The following SLC35F4 variants were observed in gnomAD, a reference collection of about 807,000 sequenced individuals.
The protein encoded by SLC35F4 is chromosome 14 open reading frame 36.
Under a neutral mutation model 44.2 loss-of-function variants are expected in SLC35F4, and 24 were observed. The ratio of observed to expected loss-of-function variants is 0.54; its 90% CI spans 0.39 to 0.76. The LOEUF is 0.76. Ranked by LOEUF, SLC35F4 falls within the 30% of genes least tolerant of loss-of-function variation. The probability of loss-of-function intolerance (pLI) is 0.00; values close to 1 mark genes in which losing one functional copy is unlikely to be tolerated. For missense variants in SLC35F4, 562 were observed against 586.1 expected (o/e 0.96, Z 0.42); for synonymous variants, 238 against 223.6 (o/e 1.06, Z -0.57).
chr14:57,686,546 T>C (rs894809511), intron 1 of SLC35F4, among the ~76,000 whole-genome samples: 1 of 152,092 alleles, frequency 6.6e-6, no homozygotes, highest in African/African-American at 2.4e-5. Flanking sequence ...CATGAGAGCC[T>C]TTTTTTCTGA....
At chr14:57,671,554 C>A (rs928328066) in intron 1 of SLC35F4, among the ~76,000 whole-genome samples, 2 of 151,916 alleles carry the variant, frequency 1.3e-5, no homozygotes, top group African/African-American at 4.8e-5. Flanking sequence ...ACTGAAGAGC[C>A]CTTGGGCCCC....
At chr14:57,863,706 T>A (rs1212998681) in intron 1 of SLC35F4, among the ~76,000 whole-genome samples, 2 of 152,220 alleles carry the variant, frequency 1.3e-5, no homozygotes, top group African/African-American at 4.8e-5. Flanking sequence ...TCCAGCTTTC[T>A]CCTCTCTCAA....
chr14:57,976,546 C>T (rs1881224318), downstream of SLC35F4, among the ~76,000 whole-genome samples: 1 of 152,184 alleles, frequency 6.6e-6, no homozygotes, highest in Non-Finnish European at 1.5e-5. Flanking sequence ...AACTTAGAGA[C>T]ATCATTGAAG....
intron 1 of SLC35F4, chr14:57,630,008 T>C (rs893522804): frequency 1.9e-6 from 1 of 532,302 alleles, no homozygotes; most frequent in Non-Finnish European, 3.8e-6. Flanking sequence ...TATGGTCCTA[T>C]AGTTGATGTG....
chr14:57,608,504 A>G (rs1252024122), intron 1 of SLC35F4, among the ~76,000 whole-genome samples: 1 of 152,196 alleles, frequency 6.6e-6, no homozygotes, highest in Non-Finnish European at 1.5e-5. Context: ...GTGGTGGAAC[A>G]GACTGCCTCC....
chr14:57,830,922 T>C (rs1436357580), intron 1 of SLC35F4, among the ~76,000 whole-genome samples: 1 of 152,154 alleles, frequency 6.6e-6, no homozygotes, highest in African/African-American at 2.4e-5. Flanking sequence ...TGGAGCAAGT[T>C]CAACAGCACT....
intron 1 of SLC35F4, among the ~76,000 whole-genome samples, chr14:57,949,223 T>C (rs183021103): frequency 2.6e-4 from 39 of 152,324 alleles, no homozygotes; most frequent in African/African-American, 9.4e-4. Flanking sequence ...GTTAGGTGCA[T>C]ATATATTCAG....
At chr14:57,732,246 C>G (rs914378234) in intron 1 of SLC35F4, among the ~76,000 whole-genome samples, 1 of 152,138 alleles carries the variant, frequency 6.6e-6, no homozygotes, top group Non-Finnish European at 1.5e-5. Flanking sequence ...CAGACTATAA[C>G]TTAGTCTGTA....
chr14:57,962,726 G>A (rs759818117), intron 1 of SLC35F4, among the ~76,000 whole-genome samples: 1 of 152,180 alleles, frequency 6.6e-6, no homozygotes, highest in Non-Finnish European at 1.5e-5. Flanking sequence ...TGTCTCCCAG[G>A]AGAAATTTTG....
At chr14:57,784,231 A>C (rs978575415) in intron 1 of SLC35F4, among the ~76,000 whole-genome samples, 3 of 152,228 alleles carry the variant, frequency 2.0e-5, no homozygotes, top group African/African-American at 7.2e-5. Flanking sequence ...AGAAAGACAT[A>C]GAAGAAGCAG....
chr14:57,627,872 C>G (rs760167126), intron 1 of SLC35F4, among the ~76,000 whole-genome samples: 15 of 151,914 alleles, frequency 9.9e-5, no homozygotes, highest in Non-Finnish European at 1.9e-4. Flanking sequence ...GTCTCCGAGT[C>G]AAAAGGACTG....
intron 1 of SLC35F4, among the ~76,000 whole-genome samples, chr14:57,936,049 G>T (rs181290193): frequency 6.6e-6 from 1 of 152,058 alleles, no homozygotes; most frequent in African/African-American, 2.4e-5. Flanking sequence ...TTACAGACAC[G>T]CTGAATACAG....
intron 1 of SLC35F4, among the ~76,000 whole-genome samples, chr14:57,896,820 T>C (rs1465161482): frequency 6.6e-6 from 1 of 152,036 alleles, no homozygotes; most frequent in Non-Finnish European, 1.5e-5. Flanking sequence ...CCTAAAGAGG[T>C]TGACAAGAGA....
At chr14:57,632,323 C>CTTATT (rs1222354290) in intron 1 of SLC35F4, among the ~76,000 whole-genome samples, 1 of 151,598 alleles carries the variant, frequency 6.6e-6, no homozygotes, top group African/African-American at 2.4e-5. Flanking sequence ...CAGGACCCAG[C>CTTATT]TTATTTTATG....
Position 57,687,656 on chromosome 14 carries a change from A to G in SLC35F4, c.104-93532T>C, listed in dbSNP as rs940582885. On this transcript the variant is annotated intron_variant, in intron 1 of 7. Coordinates refer to ENST00000556826, the MANE Select transcript of SLC35F4 (RefSeq NM_001306087.2). ...CACCTCCTGTGCCCTTTATTCTTCT[A>G]TCAAAAGGAGAGACCCTCCTGCAAG... 4.6e-5 allele frequency among the ~76,000 whole-genome samples: 7 copies of G among 152,084 alleles called. No individual in the cohort carries two copies. In the East Asian group the frequency reaches 9.6e-4, roughly 21 times the overall value.
chr14:57,909,994 A>T (rs1889185505), intron 1 of SLC35F4, among the ~76,000 whole-genome samples: 1 of 152,182 alleles, frequency 6.6e-6, no homozygotes, highest in African/African-American at 2.4e-5. Context: ...GGCTATTCTA[A>T]TAGGTATGTT....
chr14:57,589,134 C>T lies in SLC35F4; in HGVS notation c.587+82G>A, dbSNP rs144378398. The T allele has an allele frequency of 1.4e-5, 20 of 1,457,966 alleles. 1 individual carries two copies. The South Asian group carries it at 2.8e-4, about 20-fold the overall frequency. The allele number at this position is 1,457,966 out of a possible 1,614,324, so 90.3% of individuals were successfully genotyped here. The stretch of plus-strand genomic sequence containing the variant: ...TTCACATACCCCAAAAAACTCAACT[C>T]ATATTCCCAAGAGATAAAAATAGGC... On this transcript the variant is annotated intron_variant, in intron 3 of 7. Coordinates refer to ENST00000556826, the MANE Select transcript of SLC35F4 (RefSeq NM_001306087.2).
intron 1 of SLC35F4, among the ~76,000 whole-genome samples, chr14:57,775,845 T>C (rs185996874): frequency 6.6e-6 from 1 of 152,236 alleles, no homozygotes; most frequent in East Asian, 1.9e-4. Context: ...TGTATAGAAA[T>C]GAAGATCATT....
At chr14:57,653,577 A>G (rs1461235759) in intron 1 of SLC35F4, among the ~76,000 whole-genome samples, 1 of 152,172 alleles carries the variant, frequency 6.6e-6, no homozygotes, top group Non-Finnish European at 1.5e-5. Context: ...CATACTTTCT[A>G]TCACCACCAC....
Sources: allele counts gnomAD v4.1 joint callset (sites outside exome capture counted in the v4.1 genomes callset), GRCh38; gene constraint gnomAD v4.1.1; transcripts MANE v1.5; gene names NCBI Gene and HGNC (gene_info 2026-07-23, HGNC 2026-07-21).